Variants in PLXND1 observed in about 807,000 individuals in gnomAD.
The protein encoded by PLXND1 is plexin D1, also known as plexin-D1.
In PLXND1, 54 loss-of-function variants were observed where a neutral mutation model predicts 197.7. The observed-to-expected ratio is 0.27, with a 90% CI of 0.22 to 0.34. PLXND1 has a LOEUF of 0.34. Among genes scored for constraint, PLXND1 ranks in the 10% least tolerant of loss-of-function variants. PLXND1 has a pLI of 1.00. For missense variants in PLXND1, 2,127 were observed against 2,699.2 expected, an observed-to-expected ratio of 0.79 and a Z score of 4.70; for synonymous variants, 1,180 against 1,161.2, an observed-to-expected ratio of 1.02 and a Z score of -0.33.
At position 129,584,519 on chromosome 3, in the gene PLXND1, C is replaced by A. The variant is rs779950974; in HGVS notation, c.1895G>T (p.Gly632Val). The A allele has an allele frequency of 6.2e-7, 1 of 1,613,306 alleles. No individual in the cohort carries two copies. Among genetic ancestry groups the A allele is most frequent in the Non-Finnish European group, 8.5e-7 (1 of 1,179,540 alleles). Residue 632 changes from glycine to valine, a missense_variant, in exon 6 of 36, where the codon GGC becomes GTC. Physicochemically the swap from Gly to Val is moderately radical, Grantham distance 109. Around this residue, in one of 6 missense-constraint regions of PLXND1, gnomAD observed 1,095 missense variants for 1,259.8 expected, o/e 0.87. Transcript: ENST00000324093. ...CCCATAGTCACAGGCCATCTCCATG[C>A]CACTGAGGCTGGGCAGGCTGCCCGA... ...QISGSLPSLS[G>V]MEMACDYGNN...
Position 129,572,877 on chromosome 3 carries a change from T to C in PLXND1, c.2902A>G (p.Lys968Glu), listed in dbSNP as rs1031013150. Residue 968 changes from lysine to glutamate, a missense_variant, in exon 14 of 36, where the codon AAG (lysine) becomes GAG (glutamate). Lys to Glu is a moderately conservative substitution (Grantham distance 56, BLOSUM62 1). This residue lies in a region of PLXND1 where 1,095 missense variants were observed against 1,259.8 expected (regional missense o/e 0.87). Transcript: ENST00000324093. Reference protein sequence around the residue: ...LSGVVTVNASKEGKSRDRFSY... With the variant: ...LSGVVTVNASEEGKSRDRFSY... ...AAGCGGTCCCGGGACTTGCCCTCCT[T>C]AGAGGCGTTCACGGTCACCACACCT... 1 of 1,613,698 alleles carries C rather than the reference T, an allele frequency of 6.2e-7. No individual in the cohort carries two copies. Among genetic ancestry groups the C allele is most frequent in the Non-Finnish European group, 8.5e-7 (1 of 1,179,886 alleles).
chr3:129,586,978 A>G (rs945376996), intron 2 of PLXND1, among the ~76,000 whole-genome samples: 1 of 152,284 alleles, frequency 6.6e-6, no homozygotes, highest in East Asian at 1.9e-4. Context: ...CAGGCTTTGT[A>G]GTTTACGAAA....
At chr3:129,600,833 C>CA (rs1328951574) in intron 1 of PLXND1, among the ~76,000 whole-genome samples, 5 of 151,818 alleles carry the variant, frequency 3.3e-5, no homozygotes, top group Admixed American at 3.3e-4. Context: ...TAAATTGGTG[C>CA]AAAAAAATGT....
rs1235376271 is a variant in PLXND1, at chr3:129,567,767, G to T, written c.3904C>A (p.Arg1302Ser). The T allele has an allele frequency of 6.2e-7, 1 of 1,613,316 alleles. No individual in the cohort carries two copies. The highest frequency in any genetic ancestry group is 1.1e-5 in the South Asian group (1 of 91,058). The stretch of plus-strand genomic sequence containing the variant: ...TGCAGCAGCGTCTTCTGCCAGTAAC[G>T]CTCAGCACGTCGGCTCTTGGTACAG... ...VFCTKSRRAE[R>S]YWQKTLLQME... The change falls in exon 21 of 36, where the codon CGT becomes AGT. Residue 1302 changes from arginine (R) to serine (S), a missense_variant. By Grantham distance (110) the Arg-to-Ser change is moderately radical. This residue lies in a region of PLXND1 where 532 missense variants were observed against 811.0 expected (regional missense o/e 0.66). Transcript: ENST00000324093.
intron 25 of PLXND1, among the ~76,000 whole-genome samples, chr3:129,564,670 T>A (rs1047574209): frequency 6.6e-6 from 1 of 152,264 alleles, no homozygotes. Flanking sequence ...GGGGTCCTTC[T>A]GGCAGAGTGC....
chr3:129,596,360 G>T (rs1213686061), intron 1 of PLXND1, among the ~76,000 whole-genome samples: 1 of 152,176 alleles, frequency 6.6e-6, no homozygotes, highest in Non-Finnish European at 1.5e-5. Flanking sequence ...CACAGTCGCT[G>T]ACTCAAGCAG....
rs966980044 is a variant in PLXND1, at chr3:129,605,520, G to A, written c.1120C>T (p.Arg374Trp). The change falls in exon 1 of 36, where the codon CGG (arginine) becomes TGG (tryptophan). Residue 374 changes from arginine to tryptophan, a missense_variant. Physicochemically the swap from Arg to Trp is moderately radical, Grantham distance 101 (BLOSUM62 -3). Around this residue, in one of 6 missense-constraint regions of PLXND1, gnomAD observed 1,095 missense variants for 1,259.8 expected, o/e 0.87. Transcript: ENST00000324093. ...ARERLFAVFE[R>W]PQGSPAARAA... ...CGGGCCGCGGGGGACCCCTGGGGCC[G>A]CTCGAAGACAGCAAAGAGCCGCTCC... The A allele has an allele frequency of 1.3e-6, 2 of 1,513,516 alleles. No individual in the cohort carries two copies. The highest frequency in any genetic ancestry group is 2.1e-5 in the Admixed American group (1 of 47,194). 93.8% of individuals were successfully genotyped at this position (1,513,516 alleles called of 1,614,324 possible).
At chr3:129,597,825 G>A (rs1482553114) in intron 1 of PLXND1, among the ~76,000 whole-genome samples, 3 of 152,254 alleles carry the variant, frequency 2.0e-5, no homozygotes, top group Non-Finnish European at 4.4e-5. Context: ...CCAAGTCCAC[G>A]TGGCTGGCAC....
chr3:129,605,263 CCG>C, intron 1 of PLXND1, 64 bp downstream of exon 1: 2 of 423,530 alleles, frequency 4.7e-6, no homozygotes, highest in Non-Finnish European at 3.8e-6. Flanking sequence ...CGCTCGGTTC[CCG>C]CCCGCCCCCG....
Position 129,558,098 on chromosome 3 carries a change from T to C in PLXND1, c.5445+330A>G, listed in dbSNP as rs531517123. Among the ~76,000 whole-genome samples the C allele has an allele frequency of 1.1e-3, 173 of 152,346 alleles. No homozygotes were observed. The highest frequency in any genetic ancestry group is 4.0e-3 in the African/African-American group (167 of 41,574). On this transcript the variant is annotated intron_variant, in intron 33 of 35. Coordinates refer to ENST00000324093, the MANE Select transcript of PLXND1 (RefSeq NM_015103.3). This position sits in a 1 kb window ranked among gnomAD's most constrained non-coding sequence, Gnocchi z 4.1. Reference sequence around the variant, plus strand: ...AGAGCCTGGCCCGGTTTTCAGATGATGTTGTGCCTGACCAAGCAGGTTGTC... The same window carrying C: ...AGAGCCTGGCCCGGTTTTCAGATGACGTTGTGCCTGACCAAGCAGGTTGTC...
intron 2 of PLXND1, 77 bp from the exon 3 acceptor site, chr3:129,586,796 G>A (rs2108792313): frequency 1.3e-6 from 2 of 1,513,148 alleles, no homozygotes; most frequent in East Asian, 4.8e-5. Flanking sequence ...CTGAGCCCGG[G>A]TCTGGGGGCT....
At chr3:129,568,412 T>TC (rs35654031) in intron 20 of PLXND1, among the ~76,000 whole-genome samples, 1 of 152,230 alleles carries the variant, frequency 6.6e-6, no homozygotes, top group Non-Finnish European at 1.5e-5. Flanking sequence ...GGGTATTTTT[T>TC]CCTTTTATCA....
rs1285397379 is a variant in PLXND1, at chr3:129,567,770, C to T, written c.3901G>A (p.Glu1301Lys). ...AGCAGCGTCTTCTGCCAGTAACGCTCAGCACGTCGGCTCTTGGTACAGAAG... is the reference window on the plus strand; with the variant it reads ...AGCAGCGTCTTCTGCCAGTAACGCTTAGCACGTCGGCTCTTGGTACAGAAG... ...FVFCTKSRRA[E>K]RYWQKTLLQM... The change falls in exon 21 of 36, where the codon GAG becomes AAG. Residue 1301 changes from glutamate to lysine, a missense_variant. Physicochemically the swap from Glu to Lys is moderately conservative, Grantham distance 56. Coordinates refer to ENST00000324093, the MANE Select transcript of PLXND1 (RefSeq NM_015103.3). The T allele has an allele frequency of 2.5e-6, 4 of 1,613,504 alleles. No individual in the cohort carries two copies. Among genetic ancestry groups the T allele is most frequent in the Admixed American group, 3.3e-5 (2 of 60,028 alleles).
In PLXND1 at chr3:129,565,433, G is replaced by T; in HGVS notation, c.4428C>A (p.Ala1476=). 1.2e-6 allele frequency: 2 copies of T among 1,614,092 alleles called. No homozygotes were observed. Among genetic ancestry groups the T allele is most frequent in the Non-Finnish European group, 1.7e-6 (2 of 1,180,024 alleles). ...GCCGCAGCATGAGCTTGGGGTTCTTGGCGGCCGAGGCGTCAATGAGGTCCA... is the reference window on the plus strand; with the variant it reads ...GCCGCAGCATGAGCTTGGGGTTCTTTGCGGCCGAGGCGTCAATGAGGTCCA... ...LLVDLIDASA[A]KNPKLMLRRT... is the part of the protein sequence containing the mutation. Residue 1476 remains alanine, a synonymous_variant, in exon 25 of 36, where the codon GCC becomes GCA. Coordinates refer to ENST00000324093, the MANE Select transcript of PLXND1 (RefSeq NM_015103.3).
chr3:129,556,799 C>T, intron 34 of PLXND1, 108 bp from the exon 35 acceptor site: 2 of 826,918 alleles, frequency 2.4e-6, no homozygotes, highest in Non-Finnish European at 4.0e-6. Flanking sequence ...ACGGCCCCCA[C>T]AGAACAGTTC....
Position 129,573,664 on chromosome 3 carries a change from C to A in PLXND1, c.2767G>T (p.Val923Leu), listed in dbSNP as rs762979740. 6.2e-7 allele frequency: 1 copy of A among 1,613,634 alleles called. No homozygotes were observed. Residue 923 changes from valine (V) to leucine (L), a missense_variant, in exon 13 of 36, where the codon GTG becomes TTG. By Grantham distance (32) the Val-to-Leu change is conservative. This residue lies in a region of PLXND1 where 1,095 missense variants were observed against 1,259.8 expected (regional missense o/e 0.87). Transcript: ENST00000324093. ...CCACCAATCCACACGCCGTGGGCCA[C>A]GTCACTGAGCCGCCGGCCCAGGTTC... The part of the protein sequence containing the change: ...GRNLGRRLSD[V>L]AHGVWIGGVA...
intron 34 of PLXND1, 98 bp downstream of exon 34, chr3:129,556,985 T>G: frequency 7.5e-7 from 1 of 1,332,712 alleles, no homozygotes; most frequent in South Asian, 1.3e-5. Flanking sequence ...CCCTCTGCGC[T>G]CCCTGCCCTT....
intron 16 of PLXND1, 27 bp from the exon 17 acceptor site, chr3:129,571,626 T>G (rs777637774): frequency 6.2e-7 from 1 of 1,613,786 alleles, no homozygotes; most frequent in Non-Finnish European, 8.5e-7. Context: ...AACCTATCAG[T>G]GCACCTGCAG....
At chr3:129,579,940 G>A (rs532585643) in intron 8 of PLXND1, among the ~76,000 whole-genome samples, 1 of 152,262 alleles carries the variant, frequency 6.6e-6, no homozygotes, top group Non-Finnish European at 1.5e-5. Context: ...AACTGATGAC[G>A]ATAATGCTAA....
Sources: allele counts gnomAD v4.1 joint callset (sites outside exome capture counted in the v4.1 genomes callset), GRCh38; gene constraint gnomAD v4.1.1; regional missense constraint gnomAD v4.1.1; non-coding constraint Gnocchi (gnomAD v3.1); transcripts MANE v1.5; gene names NCBI Gene and HGNC (gene_info 2026-07-23, HGNC 2026-07-21).